KIAA0232: variants seen among roughly 807,000 people sequenced by gnomAD.
KIAA0232 encodes KIAA0232.
In KIAA0232, 27 loss-of-function variants were observed where a neutral mutation model predicts 122.0. That is an observed-to-expected ratio of 0.22 (90% CI 0.16 to 0.31). The LOEUF (loss-of-function observed/expected upper bound fraction) is 0.31. KIAA0232 is among the 10% of genes least tolerant of loss of function. The pLI is 1.00. For synonymous variants in KIAA0232, 613 were observed against 587.6 expected, an observed-to-expected ratio of 1.04 and a Z score of -0.63; for missense variants, 1,551 against 1,634.2, an observed-to-expected ratio of 0.95 and a Z score of 0.88.
At position 6,855,438 on chromosome 4, in the gene KIAA0232, GAAAAACCTGGTTGGT is replaced by G. The variant is rs1361528530; in HGVS notation, c.370-1724_370-1710del. Among the ~76,000 whole-genome samples the G allele has an allele frequency of 2.6e-5, 4 of 152,160 alleles. No homozygotes were observed. Among genetic ancestry groups the G allele is most frequent in the Admixed American group, 1.3e-4 (2 of 15,276 alleles). ...GCTACAGGTAGTCAAGAAAAGAACA[GAAAAACCTGGTTGGT>G]AGAGCTTGCTTTTACACAGAGAGTA... On this transcript the variant is annotated intron_variant, in intron 4 of 9. Coordinates refer to ENST00000307659, the MANE Select transcript of KIAA0232 (RefSeq NM_014743.3). The surrounding 1 kb of genome is among the most constrained non-coding windows in gnomAD (Gnocchi z 4.3).
chr4:6,843,758 A>T (rs549960300), intron 4 of KIAA0232, among the ~76,000 whole-genome samples: 229 of 152,010 alleles, frequency 1.5e-3, no homozygotes, highest in Non-Finnish European at 2.1e-3. Flanking sequence ...CGACAGAGGG[A>T]GACTCCATCT....
intron 7 of KIAA0232, among the ~76,000 whole-genome samples, chr4:6,870,467 A>G (rs1335931057): frequency 6.6e-6 from 1 of 152,242 alleles, no homozygotes; most frequent in Non-Finnish European, 1.5e-5. Context: ...GCACCTAAGC[A>G]AGATAATTTT....
At chr4:6,865,600 C>G (rs1721134807) in intron 7 of KIAA0232, among the ~76,000 whole-genome samples, 1 of 152,228 alleles carries the variant, frequency 6.6e-6, no homozygotes, top group African/African-American at 2.4e-5. Flanking sequence ...CGCGTCCGGC[C>G]CAGCTTATTG....
chr4:6,862,826 C>G lies in KIAA0232; in HGVS notation c.2444C>G (p.Pro815Arg), dbSNP rs1174533871. The stretch of plus-strand genomic sequence containing the variant: ...ACTACACAAGTATGTAATGAAAGTC[C>G]ACATGGAGATGGCTACAGCTCAGGG... ...FETTQVCNES[P>R]HGDGYSSGVI... Residue 815 changes from proline to arginine, a missense_variant, in exon 7 of 10, where the codon CCA becomes CGA. Physicochemically the swap from Pro to Arg is moderately radical, Grantham distance 103 (BLOSUM62 -2). This residue lies in a region of KIAA0232 where 1,108 missense variants were observed against 1,154.8 expected (regional missense o/e 0.96). Transcript: ENST00000307659. 9 of 1,613,912 alleles carry G rather than the reference C, an allele frequency of 5.6e-6. No homozygotes were observed. The highest frequency in any genetic ancestry group is 6.8e-6 in the Non-Finnish European group (8 of 1,180,016).
chr4:6,868,298 A>G (rs1436981463), intron 7 of KIAA0232, among the ~76,000 whole-genome samples: 2 of 152,300 alleles, frequency 1.3e-5, no homozygotes, highest in South Asian at 4.1e-4. Flanking sequence ...TTTCTTATGT[A>G]CCTGCTCGGC....
chr4:6,809,237 TG>T (rs1236855254), intron 2 of KIAA0232, among the ~76,000 whole-genome samples: 1 of 152,234 alleles, frequency 6.6e-6, no homozygotes, highest in Non-Finnish European at 1.5e-5. Context: ...ACTTCAGAGT[TG>T]TTTCCTTAAT....
chr4:6,864,212 A>G, intron 7 of KIAA0232, 29 bp downstream of exon 7: 1 of 1,567,576 alleles, frequency 6.4e-7, no homozygotes, highest in African/African-American at 1.4e-5. Context: ...GTATTTGACA[A>G]AAGGATTTGA....
intron 7 of KIAA0232, among the ~76,000 whole-genome samples, chr4:6,869,775 A>T (rs1721374124): frequency 6.6e-6 from 1 of 152,272 alleles, no homozygotes; most frequent in Admixed American, 6.5e-5. Context: ...ACGGAATTGA[A>T]CAGTTTTAGA....
Position 6,862,877 on chromosome 4 carries a change from T to C in KIAA0232, c.2495T>C (p.Met832Thr), listed in dbSNP as rs1280815596. ...SGVIKDIWTK[M>T]ADTNSVATVE... ...GTTATTAAAGACATTTGGACAAAGATGGCAGACACAAATTCTGTGGCTACA... is the reference window on the plus strand; with the variant it reads ...GTTATTAAAGACATTTGGACAAAGACGGCAGACACAAATTCTGTGGCTACA... Residue 832 changes from methionine (M) to threonine (T), a missense_variant, in exon 7 of 10, where the codon ATG becomes ACG. Around this residue, in one of 5 missense-constraint regions of KIAA0232, gnomAD observed 1,108 missense variants for 1,154.8 expected, o/e 0.96. Coordinates refer to ENST00000307659, the MANE Select transcript of KIAA0232 (RefSeq NM_014743.3). 1 of 1,614,118 alleles carries C rather than the reference T, an allele frequency of 6.2e-7. No individual in the cohort carries two copies. The highest frequency in any genetic ancestry group is 8.5e-7 in the Non-Finnish European group (1 of 1,180,044).
intron 5 of KIAA0232, 102 bp downstream of exon 5, chr4:6,857,332 A>G: frequency 9.8e-7 from 1 of 1,024,222 alleles, no homozygotes. Context: ...AACAACCAGA[A>G]CAAAGTCTTT....
At chr4:6,835,062 A>G (rs1719190532) in intron 3 of KIAA0232, among the ~76,000 whole-genome samples, 1 of 152,202 alleles carries the variant, frequency 6.6e-6, no homozygotes, top group African/African-American at 2.4e-5. Flanking sequence ...GCTGACAGAC[A>G]GGCTGAGCTG....
intron 3 of KIAA0232, among the ~76,000 whole-genome samples, chr4:6,832,028 C>CA (rs1320350419): frequency 1.2e-4 from 19 of 152,322 alleles, no homozygotes; most frequent in Admixed American, 8.5e-4. Context: ...TGATGCCCTG[C>CA]AGAAGGTGAT....
intron 3 of KIAA0232, among the ~76,000 whole-genome samples, chr4:6,835,696 C>T (rs766709958): frequency 7.9e-5 from 12 of 152,146 alleles, no homozygotes; most frequent in Non-Finnish European, 1.3e-4. Context: ...TCAATTCCCG[C>T]TTATGAGTGA....
chr4:6,865,231 A>G (rs545324231), intron 7 of KIAA0232, among the ~76,000 whole-genome samples: 1 of 152,266 alleles, frequency 6.6e-6, no homozygotes, highest in South Asian at 2.1e-4. Flanking sequence ...CAGTCTGCCC[A>G]TTTTTCCACT....
intron 7 of KIAA0232, among the ~76,000 whole-genome samples, chr4:6,867,788 C>T (rs149892968): frequency 2.0e-5 from 3 of 152,164 alleles, no homozygotes; most frequent in Admixed American, 6.5e-5. Context: ...AGACCTCATG[C>T]GGTAGGTTAT....
rs1314234396 is a variant in KIAA0232, at chr4:6,881,006, G to A, written c.*40G>A. On this transcript the variant is annotated 3_prime_UTR_variant, in exon 10 of 10. Transcript: ENST00000307659. ...ACAAATTATTGTTTAAAAATGATAT[G>A]TGATGGAAAATTACTCTTCAGTGAG... 2 of 1,368,898 alleles carry A rather than the reference G, an allele frequency of 1.5e-6. No homozygotes were observed. Among genetic ancestry groups the A allele is most frequent in the Non-Finnish European group, 1.9e-6 (2 of 1,046,134 alleles). The allele number at this position is 1,368,898 out of a possible 1,614,324, so 84.8% of individuals were successfully genotyped here.
intron 2 of KIAA0232, among the ~76,000 whole-genome samples, chr4:6,823,111 T>C (rs1718500433): frequency 6.6e-6 from 1 of 151,842 alleles, no homozygotes; most frequent in Non-Finnish European, 1.5e-5. Flanking sequence ...CATGAACTCA[T>C]CATTTTTTAT....
chr4:6,855,712 C>T lies in KIAA0232; in HGVS notation c.370-1452C>T, dbSNP rs73199921. 707 of 229,612 alleles carry T rather than the reference C, an allele frequency of 3.1e-3. No homozygotes were observed. The highest frequency in any genetic ancestry group is 4.1e-3 in the Non-Finnish European group (566 of 139,028). The allele number at this position is 229,612 out of a possible 1,614,324, so 14.2% of individuals were successfully genotyped here. ...GACCCCATTTTAGAGTATTGGAAGA[C>T]GTTTAATAAGTGATCCCTAGAGGTT... On this transcript the variant is annotated intron_variant, in intron 4 of 9. Coordinates refer to ENST00000307659, the MANE Select transcript of KIAA0232 (RefSeq NM_014743.3). The surrounding 1 kb of genome is among the most constrained non-coding windows in gnomAD (Gnocchi z 4.3).
At chr4:6,785,633 C>G (rs1716590664) in intron 1 of KIAA0232, among the ~76,000 whole-genome samples, 1 of 152,206 alleles carries the variant, frequency 6.6e-6, no homozygotes, top group African/African-American at 2.4e-5. Context: ...CCTCGCCACC[C>G]CTTCCTATCC....
Sources: allele counts gnomAD v4.1 joint callset (sites outside exome capture counted in the v4.1 genomes callset), GRCh38; gene constraint gnomAD v4.1.1; regional missense constraint gnomAD v4.1.1; non-coding constraint Gnocchi (gnomAD v3.1); transcripts MANE v1.5; gene names NCBI Gene and HGNC (gene_info 2026-07-23, HGNC 2026-07-21).